The following TRPC5 variants were observed in gnomAD, a reference collection of about 807,000 sequenced individuals.
TRPC5 encodes transient receptor potential cation channel subfamily C member 5.
Under a neutral mutation model 56.5 loss-of-function variants are expected in TRPC5, and 9 were observed. That is an observed-to-expected ratio of 0.16 (90% CI 0.10 to 0.28). The LOEUF is 0.28. TRPC5 is among the 10% of genes least tolerant of loss of function. TRPC5 has a pLI of 1.00. For missense variants in TRPC5, 469 were observed against 748.9 expected (o/e 0.63, Z 4.36); for synonymous variants, 282 against 278.5 (o/e 1.01, Z -0.13).
rs772316482 is a variant in TRPC5, at chrX:111,928,976, A to T, written c.379-16164T>A. Among the ~76,000 whole-genome samples the T allele has an allele frequency of 4.5e-5, 5 of 112,217 alleles. No individual in the cohort carries two copies. The East Asian group carries it at 1.4e-3, about 31-fold the overall frequency. On this transcript the variant is annotated intron_variant, in intron 2 of 10. Transcript: ENST00000262839. ...CACTCTGCAGCACCTTTTCAGGAAC[A>T]CATGCCAGGGATAACCCAAAAGAGG...
At chrX:112,019,677 C>T (rs766273288) in intron 1 of TRPC5, among the ~76,000 whole-genome samples, 1 of 112,055 alleles carries the variant, frequency 8.9e-6, no homozygotes, top group African/African-American at 3.2e-5. Context: ...CCCCGTGATC[C>T]GCCCACCTTG....
chrX:111,819,451 AC>A (rs1921966083), intron 7 of TRPC5, among the ~76,000 whole-genome samples: 1 of 111,428 alleles, frequency 9.0e-6, no homozygotes, highest in African/African-American at 3.3e-5. Context: ...TCAAGGAGGC[AC>A]AGATCATTCT....
At chrX:112,011,992 T>A (rs149938515) in intron 1 of TRPC5, among the ~76,000 whole-genome samples, 2,779 of 112,360 alleles carry the variant, frequency 0.025, 35 homozygotes, top group Middle Eastern at 0.046. Context: ...TTACACATAC[T>A]GTCATGAAAG....
At chrX:112,031,349 T>C (rs1186900330) in intron 1 of TRPC5, among the ~76,000 whole-genome samples, 1 of 111,743 alleles carries the variant, frequency 8.9e-6, no homozygotes, top group Non-Finnish European at 1.9e-5. Context: ...GCTTCCCTGC[T>C]CTACTCAAAC....
At chrX:112,040,241 C>T (rs1374086760) in intron 1 of TRPC5, among the ~76,000 whole-genome samples, 1 of 112,061 alleles carries the variant, frequency 8.9e-6, no homozygotes, top group Non-Finnish European at 1.9e-5. Flanking sequence ...TTGATGTGTT[C>T]GTACATGACC....
At chrX:111,921,634 G>A (rs1336508151) in intron 2 of TRPC5, among the ~76,000 whole-genome samples, 1 of 110,894 alleles carries the variant, frequency 9.0e-6, no homozygotes, top group South Asian at 3.9e-4. Flanking sequence ...ATAGGGGGAG[G>A]TGAGGAAGAG....
chrX:111,825,215 CTTTCTTCTTTCTT>C (rs1922185994), intron 7 of TRPC5, among the ~76,000 whole-genome samples: 21 of 59,862 alleles, frequency 3.5e-4, no homozygotes, highest in Admixed American at 1.6e-3. Context: ...TTCTTTCTTT[CTTTCTTCTTTCTT>C]TCTCTCTCTC....
intron 2 of TRPC5, among the ~76,000 whole-genome samples, chrX:111,940,008 G>A (rs1394390356): frequency 1.8e-5 from 2 of 111,571 alleles, no homozygotes; most frequent in Admixed American, 1.9e-4. Context: ...CTTTTTTGAT[G>A]TAAGCACTTA....
At chrX:111,875,742 T>A (rs1923918092) in intron 3 of TRPC5, among the ~76,000 whole-genome samples, 1 of 109,859 alleles carries the variant, frequency 9.1e-6, no homozygotes, top group African/African-American at 3.3e-5. Flanking sequence ...AAATAATGAC[T>A]GTCAGATATA....
chrX:112,014,091 T>C (rs1378586445), intron 1 of TRPC5, among the ~76,000 whole-genome samples: 1 of 111,382 alleles, frequency 9.0e-6, no homozygotes, highest in Admixed American at 9.5e-5. Context: ...TCAGTAGAAG[T>C]GGGATGGGGA....
At chrX:111,857,496 G>T (rs1003776444) in intron 3 of TRPC5, among the ~76,000 whole-genome samples, 1 of 112,446 alleles carries the variant, frequency 8.9e-6, no homozygotes, top group African/African-American at 3.2e-5. Context: ...GGAAGTGCAT[G>T]CCTTTTTAAG....
chrX:111,930,780 G>C (rs1406002629), intron 2 of TRPC5: 1 of 110,979 alleles, frequency 9.0e-6, no homozygotes, highest in East Asian at 2.8e-4. Flanking sequence ...CCTCAAGAAG[G>C]TTTGGAGACG....
At chrX:111,992,525 T>A (rs993268964) in intron 1 of TRPC5, among the ~76,000 whole-genome samples, 2 of 111,147 alleles carry the variant, frequency 1.8e-5, no homozygotes, top group Non-Finnish European at 3.8e-5. Context: ...TGAATTTCTT[T>A]GAGGTTTTTA....
chrX:111,956,088 G>A lies in TRPC5; in HGVS notation c.-21-3647C>T, dbSNP rs189846007. On this transcript the variant is annotated intron_variant, in intron 1 of 10. Coordinates refer to ENST00000262839, the MANE Select transcript of TRPC5 (RefSeq NM_012471.3). The stretch of plus-strand genomic sequence containing the variant: ...TGACATTTGTGGGCTTAAATGATGC[G>A]ATTCAAAGAGCTAAATCGATGGACT... Among the ~76,000 whole-genome samples, 275 of 112,599 alleles carry A rather than the reference G, an allele frequency of 2.4e-3. 3 individuals carry two copies. Among genetic ancestry groups the A allele is most frequent in the Non-Finnish European group, 2.1e-3 (112 of 53,306 alleles).
At chrX:111,963,185 A>G (rs929484692) in intron 1 of TRPC5, among the ~76,000 whole-genome samples, 8 of 112,467 alleles carry the variant, frequency 7.1e-5, no homozygotes, top group Non-Finnish European at 1.3e-4. Context: ...TATCCCGCAC[A>G]TGGCTCAGAG....
chrX:111,947,440 G>A (rs954658092), intron 2 of TRPC5, among the ~76,000 whole-genome samples: 6 of 111,249 alleles, frequency 5.4e-5, no homozygotes, highest in Non-Finnish European at 9.4e-5. Flanking sequence ...GGGTTCAAGC[G>A]ATTCTCCTGT....
At chrX:111,903,558 CTAGTT>C (rs1925465705) in intron 3 of TRPC5, 1 of 112,358 alleles carries the variant, frequency 8.9e-6, no homozygotes. Context: ...GAATTATTAA[CTAGTT>C]TAGTCCACTG....
chrX:111,834,607 C>A lies in TRPC5; in HGVS notation c.1896+314G>T, dbSNP rs181891442. On this transcript the variant is annotated intron_variant, in intron 7 of 10. Transcript: ENST00000262839. ...AACCCTGGAGATGAGTGAGGTGACA[C>A]GTTGTAGCCAAATTGTGCTCAAACC... Among the ~76,000 whole-genome samples the A allele has an allele frequency of 2.2e-4, 24 of 111,356 alleles. No individual in the cohort carries two copies. In the Admixed American group the frequency reaches 2.3e-3, roughly 11 times the overall value.
chrX:112,024,447 G>A (rs1427181919), intron 1 of TRPC5, among the ~76,000 whole-genome samples: 2 of 111,747 alleles, frequency 1.8e-5, no homozygotes, highest in East Asian at 5.6e-4. Flanking sequence ...CTGCAGACTT[G>A]AACTGAAATA....
Sources: gnomAD v4.1 joint callset for allele counts (sites outside exome capture counted in the v4.1 genomes callset) on GRCh38, gnomAD v4.1.1 for gene constraint, MANE v1.5 for transcripts, NCBI Gene and HGNC (gene_info 2026-07-23, HGNC 2026-07-21) for gene names.